The following IVNS1ABP variants were observed in gnomAD, a reference collection of about 807,000 sequenced individuals.
IVNS1ABP encodes the protein influenza virus NS1A binding protein.
Under a neutral mutation model 78.9 loss-of-function variants are expected in IVNS1ABP, and 25 were observed. The ratio of observed to expected loss-of-function variants is 0.32; its 90% CI spans 0.23 to 0.44. The LOEUF (loss-of-function observed/expected upper bound fraction) is 0.44, where lower values mean the gene tolerates loss of function less well. Among genes scored for constraint, IVNS1ABP ranks in the 20% least tolerant of loss-of-function variants. The pLI is 1.00. For missense variants in IVNS1ABP, 494 were observed against 768.9 expected (o/e 0.64, Z 4.23); for synonymous variants, 241 against 259.7 (o/e 0.93, Z 0.69).
In IVNS1ABP at chr1:185,315,215, A is replaced by T. The variant is rs1665984148; in HGVS notation, c.-247+1738T>A. On this transcript the variant is annotated intron_variant, in intron 1 of 14. Transcript: ENST00000367498. The stretch of plus-strand genomic sequence containing the variant: ...ACTTCATCTTAATATCAATTAAGAT[A>T]CTTCCTTAACAGGAAAACATTTATA... Among the ~76,000 whole-genome samples the T allele has an allele frequency of 1.3e-5, 2 of 152,248 alleles. 1 individual carries two copies. The highest frequency in any genetic ancestry group is 2.9e-5 in the Non-Finnish European group (2 of 68,036).
intron 8 of IVNS1ABP, among the ~76,000 whole-genome samples, chr1:185,304,298 C>T (rs1443166076): frequency 2.0e-5 from 3 of 152,126 alleles, no homozygotes; most frequent in African/African-American, 7.2e-5. Flanking sequence ...TTATTGGGCA[C>T]TCAACCTCTG....
At chr1:185,302,364 C>T (rs948458458) in intron 8 of IVNS1ABP, among the ~76,000 whole-genome samples, 17 of 152,108 alleles carry the variant, frequency 1.1e-4, no homozygotes, top group Admixed American at 3.3e-4. Flanking sequence ...TTAGCCTTTG[C>T]CACTTCCAAA....
rs777728343 is a variant in IVNS1ABP, at chr1:185,297,853, T to G, written c.*182A>C. On this transcript the variant is annotated 3_prime_UTR_variant, in exon 15 of 15. Coordinates refer to ENST00000367498, the MANE Select transcript of IVNS1ABP (RefSeq NM_006469.5). Reference sequence around the variant, plus strand: ...AGTACACAAAACAGACCTTCATCTTTGCATTCCTTTCCAAATAAACCCAAA... The same window carrying G: ...AGTACACAAAACAGACCTTCATCTTGGCATTCCTTTCCAAATAAACCCAAA... 8 of 580,366 alleles carry G rather than the reference T, an allele frequency of 1.4e-5. No individual in the cohort carries two copies. Among genetic ancestry groups the G allele is most frequent in the Non-Finnish European group, 2.4e-5 (8 of 334,340 alleles). 36.0% of individuals were successfully genotyped at this position (580,366 alleles called of 1,614,324 possible).
intron 3 of IVNS1ABP, 66 bp downstream of exon 3, chr1:185,309,316 CA>C (rs1363145098): frequency 1.6e-6 from 2 of 1,273,344 alleles, no homozygotes; most frequent in African/African-American, 3.1e-5. Context: ...AAGAAATAAG[CA>C]AATCTAAGAA....
chr1:185,309,298 C>A, intron 3 of IVNS1ABP, 85 bp downstream of exon 3: 1 of 1,212,002 alleles, frequency 8.3e-7, no homozygotes, highest in Non-Finnish European at 1.2e-6. Flanking sequence ...CATTAAATGC[C>A]TATGAAAAAG....
intron 2 of IVNS1ABP, among the ~76,000 whole-genome samples, chr1:185,310,374 G>A (rs1016777245): frequency 2.0e-5 from 3 of 152,094 alleles, no homozygotes; most frequent in South Asian, 2.1e-4. Context: ...TTGGGAGGCC[G>A]AGACAGGTGG....
rs765048611 is a variant in IVNS1ABP at position 185,298,007 on chromosome 1, C to T, written c.*28G>A. 6.2e-7 allele frequency: 1 copy of T among 1,606,176 alleles called. No homozygotes were observed. The highest frequency in any genetic ancestry group is 1.1e-5 in the South Asian group (1 of 90,372). On this transcript the variant is annotated 3_prime_UTR_variant, in exon 15 of 15. Transcript: ENST00000367498. The surrounding 1 kb of genome is among the most constrained non-coding windows in gnomAD (Gnocchi z 4.1). The stretch of plus-strand genomic sequence containing the variant: ...ACTAACCATAATTACATCACTAAGC[C>T]TGTTAGTTTGAGAGGGTCTTAAATT...
intron 1 of IVNS1ABP, among the ~76,000 whole-genome samples, chr1:185,314,343 A>G (rs556928498): frequency 1.3e-5 from 2 of 152,354 alleles, no homozygotes; most frequent in African/African-American, 4.8e-5. Flanking sequence ...TGGAATGCTC[A>G]TATCATAACA....
intron 1 of IVNS1ABP, among the ~76,000 whole-genome samples, chr1:185,312,873 G>T (rs1665923120): frequency 6.6e-6 from 1 of 152,046 alleles, no homozygotes; most frequent in South Asian, 2.1e-4. Context: ...ATTTATACTG[G>T]CATGGTCAAT....
At chr1:185,303,609 C>T (rs1169426315) in intron 8 of IVNS1ABP, among the ~76,000 whole-genome samples, 1 of 152,024 alleles carries the variant, frequency 6.6e-6, no homozygotes, top group Non-Finnish European at 1.5e-5. Context: ...CTAAGTCAAC[C>T]TTTGTAAATA....
chr1:185,306,899 G>T, intron 7 of IVNS1ABP, 115 bp downstream of exon 7: 2 of 1,218,986 alleles, frequency 1.6e-6, no homozygotes, highest in Non-Finnish European at 2.3e-6. Flanking sequence ...GGTACCTATA[G>T]CAAAATTTAA....
Position 185,298,536 on chromosome 1 carries a change from G to GCA in IVNS1ABP, c.1676-250_1676-249dup. ...AAAGGGGGAGGGAGAGGAAGCAGTA[G>GCA]CAGCATCTAAATAAGTACAATTTTC... On this transcript the variant is annotated intron_variant, in intron 14 of 14. Transcript: ENST00000367498. The surrounding 1 kb of genome is among the most constrained non-coding windows in gnomAD (Gnocchi z 4.1). 2.0e-6 allele frequency: 1 copy of GCA among 505,274 alleles called. No homozygotes were observed. The highest frequency in any genetic ancestry group is 3.5e-6 in the Non-Finnish European group (1 of 286,210). The allele number at this position is 505,274 out of a possible 1,614,324, so 31.3% of individuals were successfully genotyped here.
rs749110913 is a variant in IVNS1ABP, at chr1:185,301,597, C to G, written c.766-34G>C. 5 of 1,610,772 alleles carry G rather than the reference C, an allele frequency of 3.1e-6. No individual in the cohort carries two copies. The South Asian group carries it at 4.4e-5, about 14-fold the overall frequency. On this transcript the variant is annotated intron_variant, in intron 8 of 14. Coordinates refer to ENST00000367498, the MANE Select transcript of IVNS1ABP (RefSeq NM_006469.5). Reference sequence around the variant, plus strand: ...TCAAAAGGTAGCTACAGAAACCTAGCCAAAGACCACATCTGATGTACCTTT... The same window carrying G: ...TCAAAAGGTAGCTACAGAAACCTAGGCAAAGACCACATCTGATGTACCTTT...
In IVNS1ABP at chr1:185,299,889, A is replaced by G. The variant is rs746895774; in HGVS notation, c.1502-6T>C. On this transcript the variant is annotated splice_region_variant and splice_polypyrimidine_tract_variant and intron_variant, in intron 13 of 14. Transcript: ENST00000367498. ...GACTGCAGACTGGTGTCTCCCTACA[A>G]GAAAAGTCAAGTCAAGATTATTGCT... 8 of 1,613,510 alleles carry G rather than the reference A, an allele frequency of 5.0e-6. No homozygotes were observed. Among genetic ancestry groups the G allele is most frequent in the Non-Finnish European group, 6.8e-6 (8 of 1,179,768 alleles).
chr1:185,308,082 T>C, intron 5 of IVNS1ABP: 2 of 1,523,888 alleles, frequency 1.3e-6, no homozygotes. Flanking sequence ...AGACAGCAAC[T>C]ATATAAGGGA....
intron 5 of IVNS1ABP, 58 bp downstream of exon 5, chr1:185,308,742 A>C (rs879245025): frequency 3.2e-6 from 4 of 1,241,352 alleles, no homozygotes; most frequent in Non-Finnish European, 3.4e-6. Flanking sequence ...CAAATTCAGC[A>C]TTGCAATCAC....
chr1:185,309,004 G>A lies in IVNS1ABP; in HGVS notation c.280C>T (p.Gln94Ter). 1 of 1,605,968 alleles carries A rather than the reference G, an allele frequency of 6.2e-7. No individual in the cohort carries two copies. The highest frequency in any genetic ancestry group is 8.5e-7 in the Non-Finnish European group (1 of 1,176,254). The change falls in exon 4 of 15, where the codon CAG becomes TAG. Residue 94 changes from glutamine (Q) to a stop codon, truncating the protein, a stop_gained and splice_region_variant. Coordinates refer to ENST00000367498, the MANE Select transcript of IVNS1ABP (RefSeq NM_006469.5). LOFTEE classifies it high-confidence loss of function. ...EVLLNYAYTAQLKADKELVKD... is the reference protein window; with the variant it reads ...EVLLNYAYTA Reference sequence around the variant, plus strand: ...ATGGTTTACTTCAAATGTACTTACTGAGCAGTGTAGGCATAATTCAACAAG... The same window carrying A: ...ATGGTTTACTTCAAATGTACTTACTAAGCAGTGTAGGCATAATTCAACAAG...
Position 185,309,517 on chromosome 1 carries a change from TGATG to T in IVNS1ABP, c.-18-10_-18-7del. ...ATTTTTCCTTATAAATTTGGCTAGA[TGATG>T]AAAAGAAAGCTGAGTTATTTTACTT... On this transcript the variant is annotated splice_polypyrimidine_tract_variant and splice_region_variant and intron_variant, in intron 2 of 14. Coordinates refer to ENST00000367498, the MANE Select transcript of IVNS1ABP (RefSeq NM_006469.5). The T allele has an allele frequency of 7.1e-7, 1 of 1,412,990 alleles. No homozygotes were observed. The allele number at this position is 1,412,990 out of a possible 1,614,324, so 87.5% of individuals were successfully genotyped here.
intron 1 of IVNS1ABP, among the ~76,000 whole-genome samples, chr1:185,316,283 C>A (rs879607952): frequency 1.3e-5 from 2 of 152,148 alleles, no homozygotes; most frequent in Non-Finnish European, 2.9e-5. Flanking sequence ...TGGCCAGCCC[C>A]GCAGTCACTC....
Sources: gnomAD v4.1 joint callset for allele counts (sites outside exome capture counted in the v4.1 genomes callset) on GRCh38, gnomAD v4.1.1 for gene constraint, Gnocchi (gnomAD v3.1) non-coding constraint, MANE v1.5 for transcripts, NCBI Gene and HGNC (gene_info 2026-07-23, HGNC 2026-07-21) for gene names.